DPH7: variants seen among roughly 807,000 people sequenced by gnomAD.
The protein encoded by DPH7 is diphthine methyltransferase.
A neutral mutation model predicts 41.7 loss-of-function variants in DPH7; 44 were observed. That is an observed-to-expected ratio of 1.05 (90% CI 0.83 to 1.36). The LOEUF (loss-of-function observed/expected upper bound fraction) is 1.36, where lower values mean the gene tolerates loss of function less well. Among genes scored for constraint, DPH7 ranks in the 40% most tolerant of loss-of-function variants. DPH7 has a pLI of 0.00. For synonymous variants in DPH7, 275 were observed against 238.0 expected (o/e 1.16, Z -1.43); for missense variants, 629 against 577.5 (o/e 1.09, Z -0.91).
chr9:137,578,749 A>C lies in DPH7; in HGVS notation c.29T>G (p.Val10Gly). 6.6e-7 allele frequency: 1 copy of C among 1,521,958 alleles called. No homozygotes were observed. Among genetic ancestry groups the C allele is most frequent in the Non-Finnish European group, 8.8e-7 (1 of 1,136,718 alleles). 94.3% of individuals were successfully genotyped at this position (1,521,958 alleles called of 1,614,324 possible). A position where few individuals can be genotyped will look rare whatever the true frequency, so the allele number is the denominator to read the frequency against. Residue 10 changes from valine (V) to glycine (G), a missense_variant, in exon 1 of 9, where the codon GTG becomes GGG. Transcript: ENST00000277540. ...CGAGTCCGCGGTCAGCTCGGTGTCC[A>C]CCGTTTGCAGGGCGAAACAGCCCAT... MMGCFALQT[V>G]DTELTADSVE... is the part of the protein sequence containing the mutation.
Position 137,562,812 on chromosome 9 carries a change from C to T in DPH7, c.949+1622G>A, listed in dbSNP as rs185234232. Among the ~76,000 whole-genome samples the T allele has an allele frequency of 4.8e-3, 726 of 152,010 alleles. 3 individuals carry two copies. Among genetic ancestry groups the T allele is most frequent in the Non-Finnish European group, 8.2e-3 (560 of 67,960 alleles). On this transcript the variant is annotated intron_variant, in intron 8 of 8. Transcript: ENST00000277540. ...TGAAACCCCGTCTCTACTAAAAATA[C>T]AAAAATTAGCCAGGCGTGGTGGCAC...
In DPH7 at chr9:137,578,789, G is replaced by A; in HGVS notation, c.-12C>T. On this transcript the variant is annotated 5_prime_UTR_variant, in exon 1 of 9. Coordinates refer to ENST00000277540, the MANE Select transcript of DPH7 (RefSeq NM_138778.5). ...AAACAGCCCATCATCCAGCCCTCGG[G>A]GAAGGGCGCGGAGCCGGCAGTAGAG... 1.4e-6 allele frequency: 2 copies of A among 1,453,382 alleles called. No homozygotes were observed. Among genetic ancestry groups the A allele is most frequent in the East Asian group, 2.9e-5 (1 of 34,184 alleles). 90.0% of individuals were successfully genotyped at this position (1,453,382 alleles called of 1,614,324 possible).
At position 137,565,041 on chromosome 9, in the gene DPH7, C is replaced by A. The variant is rs202076329; in HGVS notation, c.710+44G>T. 4.4e-4 allele frequency: 717 copies of A among 1,612,908 alleles called. 2 individuals are homozygous for A. The highest frequency in any genetic ancestry group is 1.6e-4 in the Middle Eastern group (1 of 6,082). On this transcript the variant is annotated intron_variant, in intron 6 of 8. Transcript: ENST00000277540. ...GGGAGGGCTGGTGACCCAGGGAACG[C>A]GGGGGCTGGTGTGGGCACCGAGTGC...
Position 137,565,128 on chromosome 9 carries a change from A to C in DPH7, c.667T>G (p.Trp223Gly). 1 of 1,614,034 alleles carries C rather than the reference A, an allele frequency of 6.2e-7. No individual in the cohort carries two copies. Among genetic ancestry groups the C allele is most frequent in the Non-Finnish European group, 8.5e-7 (1 of 1,180,024 alleles). The change falls in exon 6 of 9, where the codon TGG becomes GGG. Residue 223 changes from tryptophan (W) to glycine (G), a missense_variant. Coordinates refer to ENST00000277540, the MANE Select transcript of DPH7 (RefSeq NM_138778.5). Reference sequence around the variant, plus strand: ...AATTTGCCGGGTACCCTGGTGTCCCAGCCCCTCAGAAGGCCATCGTCGCCC... The same window carrying C: ...AATTTGCCGGGTACCCTGGTGTCCCCGCCCCTCAGAAGGCCATCGTCGCCC... ...SGGDDGLLRG[W>G]DTRVPGKFLF...
At chr9:137,571,250 G>A (rs1267072616) in intron 5 of DPH7, among the ~76,000 whole-genome samples, 1 of 151,744 alleles carries the variant, frequency 6.6e-6, no homozygotes, top group Admixed American at 6.6e-5. Context: ...GCAGTGGTGC[G>A]ATCTCGGCTC....
intron 5 of DPH7, among the ~76,000 whole-genome samples, chr9:137,569,545 T>TCCAC (rs1249886858): frequency 1.6e-5 from 1 of 64,074 alleles, no homozygotes; most frequent in Non-Finnish European, 2.8e-5. Context: ...CTACCATCCA[T>TCCAC]CCACCCACCA....
chr9:137,571,227 G>A (rs772080775), intron 5 of DPH7, among the ~76,000 whole-genome samples: 4 of 151,338 alleles, frequency 2.6e-5, no homozygotes, highest in Middle Eastern at 3.2e-3. Context: ...TTGCTCTCTC[G>A]CCAGGCTGGA....
At chr9:137,565,018 G>C in intron 6 of DPH7, 60 bp from the exon 7 acceptor site, 4 of 1,610,254 alleles carry the variant, frequency 2.5e-6, no homozygotes, top group Non-Finnish European at 3.4e-6. Flanking sequence ...CAGGGAACGG[G>C]AGGGCTGGTG....
At chr9:137,561,459 C>T (rs909635215) in intron 8 of DPH7, among the ~76,000 whole-genome samples, 4 of 146,320 alleles carry the variant, frequency 2.7e-5, no homozygotes, top group Admixed American at 1.4e-4. Context: ...AGAATGGCGG[C>T]GTGAACCCGG....
At chr9:137,558,592 A>T (rs1290468781) in intron 8 of DPH7, among the ~76,000 whole-genome samples, 1 of 152,196 alleles carries the variant, frequency 6.6e-6, no homozygotes, top group Admixed American at 6.5e-5. Flanking sequence ...ACACGATTCT[A>T]CTTCCATGAA....
chr9:137,577,066 A>AAAAAAT (rs71387844), intron 2 of DPH7, among the ~76,000 whole-genome samples: 1 of 151,324 alleles, frequency 6.6e-6, no homozygotes, highest in African/African-American at 2.4e-5. Flanking sequence ...AAAAAAAAAA[A>AAAAAAT]TTAAAAAGGA....
At chr9:137,561,966 G>A (rs1466751936) in intron 8 of DPH7, among the ~76,000 whole-genome samples, 9 of 152,134 alleles carry the variant, frequency 5.9e-5, no homozygotes, top group Admixed American at 3.9e-4. Context: ...CTGGGTTCAC[G>A]CCATTCTCCT....
In DPH7 at chr9:137,555,579, C is replaced by T; in HGVS notation, c.1019G>A (p.Trp340Ter). 1 of 1,613,688 alleles carries T rather than the reference C, an allele frequency of 6.2e-7. No individual in the cohort carries two copies. The highest frequency in any genetic ancestry group is 1.7e-4 in the Middle Eastern group (1 of 6,060). ...LPDSLVYGAD[W>*]SWLLFRSLQR... ...CAGAGAACGGAAGAGCAGCCAGGAC[C>T]AGTCGGCTCCATACACCAGCGAGTC... Residue 340 changes from tryptophan to a stop codon, truncating the protein, a stop_gained, in exon 9 of 9, where the codon TGG (tryptophan) becomes TAG (stop). Transcript: ENST00000277540. LOFTEE classifies it low-confidence loss of function (END_TRUNC).
chr9:137,562,356 A>G (rs185351159), intron 8 of DPH7, among the ~76,000 whole-genome samples: 40 of 152,352 alleles, frequency 2.6e-4, no homozygotes, highest in African/African-American at 9.4e-4. Context: ...ATCTCAGTAA[A>G]TTCAACAGGA....
At chr9:137,575,918 A>AC in intron 3 of DPH7, 162 bp downstream of exon 3, 1 of 1,435,134 alleles carries the variant, frequency 7.0e-7, no homozygotes, top group South Asian at 1.5e-5. Context: ...GTAGAACGCA[A>AC]TACAACTTAA....
intron 5 of DPH7, among the ~76,000 whole-genome samples, chr9:137,570,667 C>T (rs1840278927): frequency 1.3e-5 from 2 of 152,212 alleles, no homozygotes; most frequent in Admixed American, 1.3e-4. Flanking sequence ...CTGCACGGCC[C>T]TGTGCCCTGG....
intron 5 of DPH7, among the ~76,000 whole-genome samples, chr9:137,571,976 TAGA>T (rs1840513283): frequency 6.6e-6 from 1 of 152,104 alleles, no homozygotes; most frequent in Non-Finnish European, 1.5e-5. Context: ...TAGCTCAAGG[TAGA>T]AGAACCAACC....
chr9:137,569,056 C>A (rs1339569930), intron 5 of DPH7, among the ~76,000 whole-genome samples: 2 of 152,060 alleles, frequency 1.3e-5, no homozygotes, highest in African/African-American at 4.8e-5. Flanking sequence ...AGTTGGTGCA[C>A]TGAACCACAA....
intron 3 of DPH7, 125 bp downstream of exon 3, chr9:137,575,955 G>A (rs1414134865): frequency 3.5e-5 from 53 of 1,520,792 alleles, no homozygotes; most frequent in South Asian, 2.1e-4. Flanking sequence ...ATCTTAGAAC[G>A]TTTATATATA....
Sources: gnomAD v4.1 joint callset for allele counts (sites outside exome capture counted in the v4.1 genomes callset) on GRCh38, gnomAD v4.1.1 for gene constraint, MANE v1.5 for transcripts, NCBI Gene and HGNC (gene_info 2026-07-23, HGNC 2026-07-21) for gene names.